The following GRID2 variants were observed in gnomAD, a reference collection of about 807,000 sequenced individuals.
GRID2 encodes the protein glutamate ionotropic receptor delta type subunit 2.
Under a neutral mutation model 114.8 loss-of-function variants are expected in GRID2, and 33 were observed. The observed-to-expected ratio is 0.29, with a 90% CI of 0.22 to 0.38. GRID2 has a LOEUF of 0.38. GRID2 is among the 10% of genes least tolerant of loss of function. The pLI is 1.00. For synonymous variants in GRID2, 505 were observed against 449.9 expected, an observed-to-expected ratio of 1.12 and a Z score of -1.55; for missense variants, 1,184 against 1,257.7, an observed-to-expected ratio of 0.94 and a Z score of 0.89.
At chr4:92,346,387 C>T (rs1727763711) in intron 1 of GRID2, among the ~76,000 whole-genome samples, 1 of 152,090 alleles carries the variant, frequency 6.6e-6, no homozygotes, top group Non-Finnish European at 1.5e-5. Context: ...TTGTTTGCGA[C>T]AGGGTCTTGC....
At chr4:92,573,493 G>A (rs775984187) in intron 1 of GRID2, among the ~76,000 whole-genome samples, 1 of 152,114 alleles carries the variant, frequency 6.6e-6, no homozygotes, top group African/African-American at 2.4e-5. Flanking sequence ...CTGCATCCCA[G>A]TTAATCTGGT....
intron 2 of GRID2, among the ~76,000 whole-genome samples, chr4:92,674,807 G>T (rs2149278955): frequency 6.6e-6 from 1 of 152,290 alleles, no homozygotes; most frequent in South Asian, 2.1e-4. Context: ...AGGATTACAG[G>T]CATGAGCCAC....
chr4:92,704,750 C>CCTCT (rs1263816901), intron 2 of GRID2, among the ~76,000 whole-genome samples: 1 of 85,982 alleles, frequency 1.2e-5, no homozygotes, highest in East Asian at 5.2e-4. Flanking sequence ...TCTCTCCCTC[C>CCTCT]CTCTCTCCCT....
At chr4:93,192,590 A>G (rs1441306467) in intron 4 of GRID2, among the ~76,000 whole-genome samples, 1 of 152,004 alleles carries the variant, frequency 6.6e-6, no homozygotes, top group Non-Finnish European at 1.5e-5. Flanking sequence ...GCTACTAAAA[A>G]TACAAAAAAT....
intron 1 of GRID2, among the ~76,000 whole-genome samples, chr4:92,361,834 G>A (rs1275751326): frequency 6.6e-6 from 1 of 151,960 alleles, no homozygotes; most frequent in South Asian, 2.1e-4. Context: ...CAACAGTAAT[G>A]TGGTATACTG....
intron 2 of GRID2, among the ~76,000 whole-genome samples, chr4:92,855,243 A>T (rs986426541): frequency 1.1e-4 from 16 of 152,092 alleles, no homozygotes; most frequent in African/African-American, 3.9e-4. Context: ...TTGTCAATTA[A>T]GTTTCTACCT....
chr4:92,702,376 C>T (rs1734720529), intron 2 of GRID2: 2 of 151,710 alleles, frequency 1.3e-5, no homozygotes, highest in South Asian at 4.2e-4. Context: ...CTACTTATAT[C>T]TACTCTGGCT....
chr4:93,129,974 T>C (rs1201826766), intron 4 of GRID2, among the ~76,000 whole-genome samples: 2 of 152,190 alleles, frequency 1.3e-5, no homozygotes, highest in East Asian at 1.9e-4. Context: ...TTAAGCTCTT[T>C]AAGCAAATTG....
At position 93,535,870 on chromosome 4, in the gene GRID2, T is replaced by G. The variant is rs1270690260; in HGVS notation, c.2193+20459T>G. 4.6e-5 allele frequency among the ~76,000 whole-genome samples: 7 copies of G among 152,230 alleles called. No homozygotes were observed. The East Asian group carries it at 9.6e-4, about 21-fold the overall frequency. The stretch of plus-strand genomic sequence containing the variant: ...GCTGTAGCTTCACTCTGTTGATTGT[T>G]TCCTTTGACGTGCAGAGCTTTCTAT... On this transcript the variant is annotated intron_variant, in intron 13 of 15. Coordinates refer to ENST00000282020, the MANE Select transcript of GRID2 (RefSeq NM_001510.4).
intron 1 of GRID2, among the ~76,000 whole-genome samples, chr4:92,471,384 A>G (rs925158024): frequency 3.9e-5 from 6 of 152,080 alleles, no homozygotes; most frequent in African/African-American, 1.4e-4. Flanking sequence ...TAATTGAGGA[A>G]GTTAAAGGCT....
chr4:92,682,525 CAT>C (rs1167439856), intron 2 of GRID2, among the ~76,000 whole-genome samples: 4 of 152,144 alleles, frequency 2.6e-5, no homozygotes, highest in Non-Finnish European at 4.4e-5. Flanking sequence ...TGTGATTACA[CAT>C]GAGTATACCA....
At chr4:92,315,858 C>G (rs1180972853) in intron 1 of GRID2, among the ~76,000 whole-genome samples, 2 of 151,720 alleles carry the variant, frequency 1.3e-5, no homozygotes, top group Non-Finnish European at 2.9e-5. Context: ...GTAATCCCAG[C>G]TACTCAGGGG....
intron 2 of GRID2, among the ~76,000 whole-genome samples, chr4:92,878,664 C>T (rs912590795): frequency 2.3e-4 from 35 of 152,192 alleles, no homozygotes; most frequent in African/African-American, 8.4e-4. Context: ...CTGAATCACA[C>T]TTTTTTCTTT....
At chr4:93,631,987 T>C (rs1478534294) in intron 14 of GRID2, among the ~76,000 whole-genome samples, 1 of 152,230 alleles carries the variant, frequency 6.6e-6, no homozygotes, top group Non-Finnish European at 1.5e-5. Context: ...CATTTTTTCA[T>C]GTCCCTTTTG....
chr4:92,702,202 C>T (rs559972987), intron 2 of GRID2: 6 of 152,246 alleles, frequency 3.9e-5, no homozygotes, highest in African/African-American at 9.6e-5. Flanking sequence ...AAAGCGCCCT[C>T]GCCCTATAGA....
At chr4:93,592,351 A>G (rs994131974) in intron 13 of GRID2, among the ~76,000 whole-genome samples, 1 of 152,214 alleles carries the variant, frequency 6.6e-6, no homozygotes, top group Non-Finnish European at 1.5e-5. Context: ...TTCAGTTTCC[A>G]TGTAGATGAG....
intron 8 of GRID2, among the ~76,000 whole-genome samples, chr4:93,256,330 T>C (rs1749582618): frequency 1.3e-5 from 2 of 151,880 alleles, no homozygotes; most frequent in African/African-American, 2.4e-5. Context: ...CACTAGAGAG[T>C]GAATTGTAAT....
intron 13 of GRID2, among the ~76,000 whole-genome samples, chr4:93,605,794 A>G (rs1331748753): frequency 6.6e-6 from 1 of 152,202 alleles, no homozygotes; most frequent in African/African-American, 2.4e-5. Flanking sequence ...CAAAGTCAAA[A>G]GAGGTAAGTA....
intron 4 of GRID2, among the ~76,000 whole-genome samples, chr4:93,184,631 C>G (rs571256250): frequency 1.2e-3 from 185 of 152,008 alleles, no homozygotes; most frequent in African/African-American, 4.2e-3. Flanking sequence ...CGCCTGTAAT[C>G]CCAGCACTTT....
Sources: allele counts gnomAD v4.1 joint callset (sites outside exome capture counted in the v4.1 genomes callset), GRCh38; gene constraint gnomAD v4.1.1; transcripts MANE v1.5; gene names NCBI Gene and HGNC (gene_info 2026-07-23, HGNC 2026-07-21).